The following AASS variants were observed in gnomAD, a reference collection of about 807,000 sequenced individuals.
AASS encodes the protein alpha-aminoadipic semialdehyde synthase, mitochondrial.
A neutral mutation model predicts 105.4 loss-of-function variants in AASS; 86 were observed. The ratio of observed to expected loss-of-function variants is 0.82; its 90% confidence interval spans 0.69 to 0.98. The LOEUF (loss-of-function observed/expected upper bound fraction) is 0.98. Ranked by LOEUF, AASS falls within the 50% of genes least tolerant of loss-of-function variation. AASS has a pLI of 0.00. For missense variants in AASS, 1,048 were observed against 1,143.2 expected, an observed-to-expected ratio of 0.92 and a Z score of 1.20; for synonymous variants, 381 against 394.8, an observed-to-expected ratio of 0.96 and a Z score of 0.41.
Position 122,117,080 on chromosome 7 carries a change from G to A in AASS, c.688-123C>T, listed in dbSNP as rs531576041. On this transcript the variant is annotated intron_variant, in intron 6 of 23. Transcript: ENST00000417368. ...CTCCACTTGCCTTCCCTACAACCAG[G>A]ACTGCAACACAGAAATACAGATGAG... 8.8e-4 allele frequency: 752 copies of A among 853,502 alleles called. 1 individual carries two copies. Among genetic ancestry groups the A allele is most frequent in the Non-Finnish European group, 1.3e-3 (669 of 518,870 alleles). 52.9% of individuals were successfully genotyped at this position (853,502 alleles called of 1,614,324 possible).
chr7:122,078,790 A>G lies in AASS; in HGVS notation c.2485+72T>C, dbSNP rs1416586399. The G allele has an allele frequency of 1.0e-5, 15 of 1,439,906 alleles. No individual in the cohort carries two copies. The East Asian group carries it at 3.2e-4, about 31-fold the overall frequency. 89.2% of individuals were successfully genotyped at this position (1,439,906 alleles called of 1,614,324 possible). ...CCTGCTGCTTGGGGCCAACCCTCCA[A>G]TACGATTATCTGCACTGACTCTATC... On this transcript the variant is annotated intron_variant, in intron 22 of 23. Coordinates refer to ENST00000417368, the MANE Select transcript of AASS (RefSeq NM_005763.4).
chr7:122,126,828 C>G lies in AASS; in HGVS notation c.388-369G>C, dbSNP rs1008548933. Among the ~76,000 whole-genome samples, 4 of 152,146 alleles carry G rather than the reference C, an allele frequency of 2.6e-5. No individual in the cohort carries two copies. The East Asian group carries it at 7.7e-4, about 29-fold the overall frequency. Reference sequence around the variant, plus strand: ...TTCCTTCTGGTCAAATAAAACAGATCCATTTTGAGACGAATCTCTGTGACC... The same window carrying G: ...TTCCTTCTGGTCAAATAAAACAGATGCATTTTGAGACGAATCTCTGTGACC... On this transcript the variant is annotated intron_variant, in intron 3 of 23. Coordinates refer to ENST00000417368, the MANE Select transcript of AASS (RefSeq NM_005763.4).
Position 122,079,023 on chromosome 7 carries a change from T to G in AASS, c.2397-73A>C, listed in dbSNP as rs1793179479. ...TCTCATTTGGGAAGCAAAAGGGAGC[T>G]CCTTGAATTTAATCTTGAAAGGGCA... On this transcript the variant is annotated intron_variant, in intron 21 of 23. Coordinates refer to ENST00000417368, the MANE Select transcript of AASS (RefSeq NM_005763.4). The G allele has an allele frequency of 2.5e-6, 4 of 1,612,104 alleles. No homozygotes were observed. In the East Asian group the frequency reaches 8.9e-5, roughly 36 times the overall value.
chr7:122,086,244 A>AT, intron 18 of AASS, 65 bp from the exon 19 acceptor site: 1 of 1,483,220 alleles, frequency 6.7e-7, no homozygotes, highest in Non-Finnish European at 9.3e-7. Context: ...GCTTATCTGC[A>AT]TTATACGAAC....
intron 2 of AASS, among the ~76,000 whole-genome samples, chr7:122,130,414 A>G (rs946144452): frequency 1.3e-5 from 2 of 152,018 alleles, no homozygotes; most frequent in African/African-American, 4.8e-5. Context: ...CATGGCTAAT[A>G]CAAGACTTAT....
At chr7:122,093,612 C>T (rs907910719) in intron 15 of AASS, among the ~76,000 whole-genome samples, 1 of 152,028 alleles carries the variant, frequency 6.6e-6, no homozygotes, top group South Asian at 2.1e-4. Context: ...GGAGTCGAGA[C>T]CAGCTTGGAC....
rs768298788 is a variant in AASS at position 122,077,866 on chromosome 7, G to T, written c.2634C>A (p.Thr878=). The T allele has an allele frequency of 3.0e-5, 48 of 1,614,044 alleles. No homozygotes were observed. The South Asian group carries it at 4.3e-4, about 14-fold the overall frequency. The change falls in exon 23 of 24, where the codon ACC becomes ACA. Residue 878 remains threonine (T), a synonymous_variant. Transcript: ENST00000417368. The stretch of plus-strand genomic sequence containing the variant: ...CAAGCAACATTTTGGCTGCCATGGC[G>T]GTGGGTAACCCCACGGTTTTAGCCA... ...SAMAKTVGLP[T]AMAAKMLLDG... is the part of the protein sequence containing the mutation.
chr7:122,106,792 C>A (rs181627951), intron 11 of AASS, among the ~76,000 whole-genome samples: 5 of 152,072 alleles, frequency 3.3e-5, no homozygotes, highest in Non-Finnish European at 7.4e-5. Context: ...AATGTAAAAC[C>A]CAAAATTATA....
At chr7:122,081,733 C>T (rs1793337372) in intron 19 of AASS, 138 bp from the exon 20 acceptor site, 3 of 653,630 alleles carry the variant, frequency 4.6e-6, no homozygotes, top group Non-Finnish European at 5.3e-6. Flanking sequence ...TACTACAGCT[C>T]TTCTAGAATT....
chr7:122,133,895 G>T, intron 1 of AASS, 154 bp from the exon 2 acceptor site: 1 of 713,072 alleles, frequency 1.4e-6, no homozygotes, highest in Non-Finnish European at 2.4e-6. Flanking sequence ...GATGTCAAGT[G>T]TTCCTTTAAA....
intron 3 of AASS, 103 bp downstream of exon 3, chr7:122,129,258 C>T: frequency 1.4e-6 from 1 of 740,524 alleles, no homozygotes; most frequent in Non-Finnish European, 2.0e-6. Context: ...CAATGTTTCT[C>T]TTAAACTAAA....
chr7:122,113,056 G>A, intron 11 of AASS, 62 bp downstream of exon 11: 1 of 1,333,650 alleles, frequency 7.5e-7, no homozygotes, highest in Non-Finnish European at 1.1e-6. Context: ...AACATTCACA[G>A]AATTACTCAA....
At position 122,098,318 on chromosome 7, in the gene AASS, C is replaced by A. The variant is rs542897662; in HGVS notation, c.1655+132G>T. On this transcript the variant is annotated intron_variant, in intron 15 of 23. Coordinates refer to ENST00000417368, the MANE Select transcript of AASS (RefSeq NM_005763.4). ...GAGCTATATACTTATGATTTGTGCA[C>A]CTTCTGGACCCATACTTCAATTAAA... 7 of 911,826 alleles carry A rather than the reference C, an allele frequency of 7.7e-6. No homozygotes were observed. The East Asian group carries it at 1.5e-4, about 20-fold the overall frequency. The allele number at this position is 911,826 out of a possible 1,614,324, so 56.5% of individuals were successfully genotyped here.
intron 4 of AASS, among the ~76,000 whole-genome samples, chr7:122,124,204 C>T (rs1195208478): frequency 1.3e-5 from 2 of 152,206 alleles, no homozygotes; most frequent in Non-Finnish European, 2.9e-5. Context: ...TCAGACCTCA[C>T]CTTCAAAGGC....
Position 122,101,683 on chromosome 7 carries a change from G to A in AASS, c.1279-3C>T. The stretch of plus-strand genomic sequence containing the variant: ...GGCTGTGTCGCGTCTGATAATATCT[G>A]AAAGGAAAATGAGATTTGTAAGAGA... On this transcript the variant is annotated splice_polypyrimidine_tract_variant and splice_region_variant and intron_variant, in intron 11 of 23. Transcript: ENST00000417368. The A allele has an allele frequency of 1.9e-6, 3 of 1,609,600 alleles. No individual in the cohort carries two copies.
At chr7:122,101,220 T>C (rs1159560715) in intron 13 of AASS, 151 bp downstream of exon 13, 1 of 691,178 alleles carries the variant, frequency 1.4e-6, no homozygotes, top group Non-Finnish European at 2.5e-6. Context: ...GCCAGCCACT[T>C]AGTTTGGATT....
At chr7:122,113,453 G>T in intron 10 of AASS, 145 bp downstream of exon 10, 3 of 1,106,220 alleles carry the variant, frequency 2.7e-6, no homozygotes, top group Non-Finnish European at 3.9e-6. Flanking sequence ...AAATGTGCAT[G>T]TTTTTTTCCC....
intron 11 of AASS, among the ~76,000 whole-genome samples, chr7:122,106,376 A>T (rs1794663500): frequency 6.6e-6 from 1 of 152,070 alleles, no homozygotes. Context: ...ATTACCCATG[A>T]CATTCTTCAT....
intron 1 of AASS, among the ~76,000 whole-genome samples, chr7:122,135,203 A>G (rs1165483597): frequency 4.6e-5 from 7 of 151,896 alleles, no homozygotes; most frequent in African/African-American, 1.7e-4. Context: ...CAGCACACCA[A>G]CATGGCACAT....
Sources: gnomAD v4.1 joint callset for allele counts (sites outside exome capture counted in the v4.1 genomes callset) on GRCh38, gnomAD v4.1.1 for gene constraint, MANE v1.5 for transcripts, NCBI Gene and HGNC (gene_info 2026-07-23, HGNC 2026-07-21) for gene names.